The following AR variants were observed in gnomAD, a reference collection of about 807,000 sequenced individuals.
The protein encoded by AR is dihydrotestosterone receptor.
Under a neutral mutation model 53.9 loss-of-function variants are expected in AR, and 8 were observed. The ratio of observed to expected loss-of-function variants is 0.15; its 90% CI spans 0.09 to 0.27. The LOEUF is 0.27. AR is among the 10% of genes least tolerant of loss of function. AR has a pLI of 1.00. For synonymous variants in AR, 359 were observed against 316.4 expected (o/e 1.13, Z -1.43); for missense variants, 639 against 742.5 (o/e 0.86, Z 1.62).
chrX:67,608,775 A>G (rs1226032554), intron 1 of AR, among the ~76,000 whole-genome samples: 1 of 112,146 alleles, frequency 8.9e-6, no homozygotes, highest in African/African-American at 3.2e-5. Context: ...ATATTTGTCC[A>G]TGAACATGTG....
intron 1 of AR, among the ~76,000 whole-genome samples, chrX:67,637,843 T>C (rs1007556493): frequency 2.7e-5 from 3 of 111,237 alleles, no homozygotes; most frequent in Non-Finnish European, 5.7e-5. Flanking sequence ...TTTTTTATTA[T>C]ACTTTAAGTT....
chrX:67,673,764 T>C (rs1057033643), intron 2 of AR, among the ~76,000 whole-genome samples: 2 of 111,388 alleles, frequency 1.8e-5, no homozygotes, highest in African/African-American at 6.5e-5. Context: ...AGGTCACATA[T>C]CTCTATTTTT....
intron 3 of AR, among the ~76,000 whole-genome samples, chrX:67,707,039 A>G (rs1054602272): frequency 1.5e-4 from 17 of 111,799 alleles, no homozygotes; most frequent in Non-Finnish European, 3.0e-4. Context: ...CTGTTCTTTT[A>G]CATTTGCTGA....
At chrX:67,699,677 G>C (rs1397780652) in intron 3 of AR, among the ~76,000 whole-genome samples, 1 of 110,431 alleles carries the variant, frequency 9.1e-6, no homozygotes, top group Non-Finnish European at 1.9e-5. Flanking sequence ...GAATCTCGGG[G>C]ACCGTCTTAG....
At chrX:67,699,284 C>T (rs1244711795) in intron 3 of AR, among the ~76,000 whole-genome samples, 1 of 112,088 alleles carries the variant, frequency 8.9e-6, no homozygotes, top group Non-Finnish European at 1.9e-5. Context: ...TAATCTGAAG[C>T]TCAGGGTTCT....
At chrX:67,555,267 G>A (rs921099162) in intron 1 of AR, among the ~76,000 whole-genome samples, 1 of 111,719 alleles carries the variant, frequency 9.0e-6, no homozygotes, top group Non-Finnish European at 1.9e-5. Context: ...TTAATCCTTC[G>A]TGGAAGTAAG....
chrX:67,659,339 G>A (rs967187378), intron 2 of AR, among the ~76,000 whole-genome samples: 3 of 110,288 alleles, frequency 2.7e-5, no homozygotes, highest in East Asian at 2.9e-4. Flanking sequence ...TTAACATTAG[G>A]TATATCTCCT....
Position 67,694,542 on chromosome X carries a change from G to A in AR, c.1885+8416G>A, listed in dbSNP as rs1271742215. On this transcript the variant is annotated intron_variant, in intron 3 of 7. Coordinates refer to ENST00000374690, the MANE Select transcript of AR (RefSeq NM_000044.6). ...AAACCCCCAGTAAAAAATGGCAACC[G>A]CCCACCTCCCCAACTTTACATGCTG... 9.8e-6 allele frequency: 10 copies of A among 1,022,982 alleles called. No homozygotes were observed. In the Admixed American group the frequency reaches 2.8e-4, roughly 29 times the overall value. 84.3% of individuals were successfully genotyped at this position (1,022,982 alleles called of 1,213,427 possible). A position where few individuals can be genotyped will look rare whatever the true frequency, so the allele number is the denominator to read the frequency against.
rs2147323269 is a variant in AR at position 67,546,727 on chromosome X, G to C, written c.1581G>C (p.Trp527Cys). The C allele has an allele frequency of 1.7e-6, 2 of 1,208,948 alleles. No homozygotes were observed. Among genetic ancestry groups the C allele is most frequent in the South Asian group, 1.8e-5 (1 of 56,258 alleles). ...PTCVKSEMGP[W>C]MDSYSGPYGD... ...GTGTCAAAAGCGAAATGGGCCCCTG[G>C]ATGGATAGCTACTCCGGACCTTACG... The change falls in exon 1 of 8, where the codon TGG becomes TGC. Residue 527 changes from tryptophan to cysteine, a missense_variant. By Grantham distance (215) the Trp-to-Cys change is radical (BLOSUM62 -2). This residue lies in a region of AR where 423 missense variants were observed against 377.0 expected (regional missense o/e 1.12). Transcript: ENST00000374690.
At chrX:67,629,725 A>G (rs1924952768) in intron 1 of AR, among the ~76,000 whole-genome samples, 1 of 107,806 alleles carries the variant, frequency 9.3e-6, no homozygotes. Context: ...TTTAATTGTG[A>G]TGTTAGGGTG....
At chrX:67,618,546 A>G (rs999607194) in intron 1 of AR, among the ~76,000 whole-genome samples, 4 of 111,604 alleles carry the variant, frequency 3.6e-5, no homozygotes, top group African/African-American at 1.3e-4. Context: ...TATCAATGAA[A>G]GCCACATGGT....
chrX:67,679,605 A>C (rs778704456), intron 2 of AR, among the ~76,000 whole-genome samples: 112 of 111,829 alleles, frequency 1.0e-3, no homozygotes, highest in Middle Eastern at 4.7e-3. Flanking sequence ...TCCTACCAGA[A>C]ATACCTCTTC....
At chrX:67,611,740 T>C (rs1367084909) in intron 1 of AR, among the ~76,000 whole-genome samples, 1 of 111,587 alleles carries the variant, frequency 9.0e-6, no homozygotes, top group African/African-American at 3.3e-5. Flanking sequence ...AACCACCTTT[T>C]CTTCATACCT....
intron 1 of AR, among the ~76,000 whole-genome samples, chrX:67,639,189 T>A (rs965277553): frequency 3.6e-5 from 4 of 112,016 alleles, no homozygotes; most frequent in African/African-American, 1.3e-4. Context: ...TCTGTTTTGG[T>A]ACCAGTACCG....
At chrX:67,565,569 CA>C (rs1044160515) in intron 1 of AR, among the ~76,000 whole-genome samples, 6 of 111,687 alleles carry the variant, frequency 5.4e-5, no homozygotes, top group African/African-American at 1.6e-4. Flanking sequence ...TTTTACTCTT[CA>C]AAATCAACTT....
chrX:67,561,146 AG>A (rs1416064572), intron 1 of AR, among the ~76,000 whole-genome samples: 1 of 112,375 alleles, frequency 8.9e-6, no homozygotes, highest in Non-Finnish European at 1.9e-5. Flanking sequence ...GTCTCTCTTT[AG>A]GGCAAAGGTT....
chrX:67,681,414 G>A (rs1280691264), intron 2 of AR, among the ~76,000 whole-genome samples: 1 of 111,822 alleles, frequency 8.9e-6, no homozygotes, highest in Non-Finnish European at 1.9e-5. Context: ...AAAGAGAAAA[G>A]ATTTCTGCCA....
intron 5 of AR, among the ~76,000 whole-genome samples, chrX:67,718,040 T>G (rs1168844322): frequency 8.9e-6 from 1 of 112,691 alleles, no homozygotes; most frequent in Non-Finnish European, 1.9e-5. Context: ...GTGCCAAGAC[T>G]ATGCTAGATA....
chrX:67,640,360 T>C (rs1423514627), intron 1 of AR, among the ~76,000 whole-genome samples: 3 of 111,205 alleles, frequency 2.7e-5, no homozygotes, highest in African/African-American at 6.6e-5. Context: ...GATTCCTTCT[T>C]TTTCTGTTGT....
Sources: gnomAD v4.1 joint callset for allele counts (sites outside exome capture counted in the v4.1 genomes callset) on GRCh38, gnomAD v4.1.1 for gene constraint, gnomAD v4.1.1 regional missense constraint, MANE v1.5 for transcripts, NCBI Gene and HGNC (gene_info 2026-07-23, HGNC 2026-07-21) for gene names.